Variants in LDHA observed in about 807,000 individuals in gnomAD.
LDHA encodes L-lactate dehydrogenase A chain.
LDHA carries 10 observed loss-of-function variants against 36.3 expected under a neutral mutation model. The observed-to-expected ratio is 0.28, with a 90% CI of 0.17 to 0.47. The LOEUF (loss-of-function observed/expected upper bound fraction) is 0.47. LDHA is among the 20% of genes least tolerant of loss of function. LDHA has a pLI of 0.99. For synonymous variants in LDHA, 110 were observed against 136.7 expected (o/e 0.80, Z 1.36); for missense variants, 267 against 405.8 (o/e 0.66, Z 2.94).
chr11:18,400,725 AAAACTC>A (rs1208206854), intron 3 of LDHA, 106 bp from the exon 4 acceptor site: 1 of 776,108 alleles, frequency 1.3e-6, no homozygotes, highest in East Asian at 2.6e-5. Context: ...CCATAATGAT[AAAACTC>A]TAAGAACAAG....
At chr11:18,395,068 A>T in intron 1 of LDHA, 1 of 196,544 alleles carries the variant, frequency 5.1e-6, no homozygotes, top group East Asian at 1.4e-4. Context: ...TTCTTGAAAG[A>T]CGGAAAGCGG....
chr11:18,400,429 C>CCA (rs6144241), intron 3 of LDHA: 115 of 287,580 alleles, frequency 4.0e-4, no homozygotes, highest in African/African-American at 1.9e-3. Flanking sequence ...ACCACCACCA[C>CCA]CACACACACA....
At chr11:18,406,882 C>G (rs192533550) in intron 7 of LDHA, among the ~76,000 whole-genome samples, 79 of 151,160 alleles carry the variant, frequency 5.2e-4, no homozygotes, top group African/African-American at 1.9e-3. Flanking sequence ...AGTGTGGTGG[C>G]GCACGCCTGT....
At chr11:18,407,077 G>T in intron 7 of LDHA, 40 bp from the exon 8 acceptor site, 1 of 1,483,508 alleles carries the variant, frequency 6.7e-7, no homozygotes, top group Non-Finnish European at 9.1e-7. Flanking sequence ...GGAATGCATA[G>T]ACAAAATGTG....
chr11:18,400,426 CCACCACACACA>C (rs1376599690), intron 3 of LDHA: 66 of 239,004 alleles, frequency 2.8e-4, no homozygotes, highest in African/African-American at 1.3e-3. Flanking sequence ...CCTACCACCA[CCACCACACACA>C]CACACACACA....
Position 18,407,562 on chromosome 11 carries a change from A to T in LDHA, c.*281A>T. On this transcript the variant is annotated 3_prime_UTR_variant, in exon 8 of 8. Coordinates refer to ENST00000422447, the MANE Select transcript of LDHA (RefSeq NM_005566.4). ...CCACTGCCAATGCTGTACGTACTGCATTTGCCCCTTGAGCCAGGTGGATGT... is the reference window on the plus strand; with the variant it reads ...CCACTGCCAATGCTGTACGTACTGCTTTTGCCCCTTGAGCCAGGTGGATGT... 1.4e-6 allele frequency: 1 copy of T among 710,118 alleles called. No individual in the cohort carries two copies. The highest frequency in any genetic ancestry group is 2.0e-5 in the Admixed American group (1 of 49,658). 44.0% of individuals were successfully genotyped at this position (710,118 alleles called of 1,614,324 possible).
At chr11:18,401,654 T>A (rs1336812326) in intron 4 of LDHA, among the ~76,000 whole-genome samples, 1 of 150,984 alleles carries the variant, frequency 6.6e-6, no homozygotes, top group African/African-American at 2.4e-5. Context: ...ATTTTTTGTA[T>A]TTTTAGTAGA....
intron 1 of LDHA, 108 bp from the exon 2 acceptor site, chr11:18,396,711 A>C (rs1184307447): frequency 7.2e-7 from 1 of 1,380,636 alleles, no homozygotes; most frequent in Non-Finnish European, 9.8e-7. Flanking sequence ...ATCTCTAGTG[A>C]TTTATAGTGG....
At chr11:18,397,041 C>A in intron 2 of LDHA, 73 bp downstream of exon 2, 4 of 1,301,728 alleles carry the variant, frequency 3.1e-6, no homozygotes, top group Non-Finnish European at 4.5e-6. Flanking sequence ...ACCCCTAGAA[C>A]TGTATTATTA....
chr11:18,405,221 G>C (rs1565039694), intron 6 of LDHA, among the ~76,000 whole-genome samples: 1 of 151,968 alleles, frequency 6.6e-6, no homozygotes, highest in Non-Finnish European at 1.5e-5. Context: ...CCATTCTTCT[G>C]TTGGAGGACA....
chr11:18,407,842 C>T lies in LDHA; in HGVS notation c.*561C>T, dbSNP rs1356496655. 9 of 454,284 alleles carry T rather than the reference C, an allele frequency of 2.0e-5. No homozygotes were observed. The highest frequency in any genetic ancestry group is 1.2e-4 in the South Asian group (8 of 64,476). 28.1% of individuals were successfully genotyped at this position (454,284 alleles called of 1,614,324 possible). A position where few individuals can be genotyped will look rare whatever the true frequency, so the allele number is the denominator to read the frequency against. Reference sequence around the variant, plus strand: ...ACTAAAACCCCCAATAAACCTTGAACAGTGACTACTTTGGTTAATTCATTA... The same window carrying T: ...ACTAAAACCCCCAATAAACCTTGAATAGTGACTACTTTGGTTAATTCATTA... On this transcript the variant is annotated 3_prime_UTR_variant, in exon 8 of 8. Coordinates refer to ENST00000422447, the MANE Select transcript of LDHA (RefSeq NM_005566.4).
intron 7 of LDHA, among the ~76,000 whole-genome samples, chr11:18,406,313 C>T (rs1442345087): frequency 1.3e-5 from 2 of 149,326 alleles, no homozygotes; most frequent in Non-Finnish European, 3.0e-5. Context: ...CAGTGACTGA[C>T]AGCTGTAATG....
intron 2 of LDHA, chr11:18,398,508 C>T (rs895807578): frequency 7.9e-5 from 12 of 151,696 alleles, no homozygotes; most frequent in African/African-American, 2.9e-4. Context: ...GCCTCAGCCT[C>T]CCGAGTAGCT....
chr11:18,399,731 G>A lies in LDHA; in HGVS notation c.244+183G>A. On this transcript the variant is annotated intron_variant, in intron 3 of 7. Transcript: ENST00000422447. Reference sequence around the variant, plus strand: ...CCCCTCCCCCTCACAAAGAAACTGGGACTATAGGGTATGCTACCATGCCCG... The same window carrying A: ...CCCCTCCCCCTCACAAAGAAACTGGAACTATAGGGTATGCTACCATGCCCG... 8.0e-6 allele frequency: 5 copies of A among 621,158 alleles called. No individual in the cohort carries two copies. The Middle Eastern group carries it at 1.8e-3, about 223-fold the overall frequency. 38.5% of individuals were successfully genotyped at this position (621,158 alleles called of 1,614,324 possible).
At chr11:18,399,261 A>AATCT (rs1288989463) in intron 2 of LDHA, 170 bp from the exon 3 acceptor site, 1 of 617,180 alleles carries the variant, frequency 1.6e-6, no homozygotes, top group Non-Finnish European at 2.9e-6. Context: ...TGTAGGGTGT[A>AATCT]ATCTGTAAGT....
Position 18,408,233 on chromosome 11 carries a change from C to T in LDHA, c.*952C>T, listed in dbSNP as rs967709499. The T allele has an allele frequency of 8.8e-6, 4 of 453,806 alleles. No homozygotes were observed. The highest frequency in any genetic ancestry group is 1.8e-5 in the Non-Finnish European group (4 of 226,764). 28.1% of individuals were successfully genotyped at this position (453,806 alleles called of 1,614,324 possible). Reference sequence around the variant, plus strand: ...TTAAGGCAGGGTGCAGTGGCTCATGCCTATAATCCCAGCACTTTGGGAAGC... The same window carrying T: ...TTAAGGCAGGGTGCAGTGGCTCATGTCTATAATCCCAGCACTTTGGGAAGC... On this transcript the variant is annotated 3_prime_UTR_variant, in exon 8 of 8. Transcript: ENST00000422447.
At chr11:18,407,093 T>TTTC (rs1590217808) in intron 7 of LDHA, 24 bp from the exon 8 acceptor site, 1 of 1,588,046 alleles carries the variant, frequency 6.3e-7, no homozygotes, top group Admixed American at 1.8e-5. Context: ...ATGTGAGATT[T>TTTC]TTTTTTTTTC....
At chr11:18,404,225 A>G (rs1866595785) in intron 6 of LDHA, among the ~76,000 whole-genome samples, 1 of 152,172 alleles carries the variant, frequency 6.6e-6, no homozygotes, top group Admixed American at 6.5e-5. Context: ...CCTGGGCAAC[A>G]GGGCAAAACC....
chr11:18,406,414 T>TA (rs532942664), intron 7 of LDHA, among the ~76,000 whole-genome samples: 12,459 of 97,040 alleles, frequency 0.13, 954 homozygotes, highest in Admixed American at 0.17. Context: ...TTGCCTCTGT[T>TA]AAAAAAAAAA....
Sources: allele counts gnomAD v4.1 joint callset (sites outside exome capture counted in the v4.1 genomes callset), GRCh38; gene constraint gnomAD v4.1.1; transcripts MANE v1.5; gene names NCBI Gene and HGNC (gene_info 2026-07-23, HGNC 2026-07-21).